The following PLXDC2 variants were observed in gnomAD, a reference collection of about 807,000 sequenced individuals.
PLXDC2 encodes plexin domain-containing protein 2.
A neutral mutation model predicts 68.9 loss-of-function variants in PLXDC2; 40 were observed. The ratio of observed to expected loss-of-function variants is 0.58; its 90% CI spans 0.45 to 0.76. The LOEUF is 0.76. PLXDC2 is among the 30% of genes least tolerant of loss of function. The pLI is 0.00. For missense variants in PLXDC2, 644 were observed against 661.9 expected (o/e 0.97, Z 0.30); for synonymous variants, 243 against 234.2 (o/e 1.04, Z -0.34).
At chr10:19,913,774 C>T (rs1362131641) in intron 1 of PLXDC2, among the ~76,000 whole-genome samples, 2 of 152,084 alleles carry the variant, frequency 1.3e-5, no homozygotes, top group Non-Finnish European at 2.9e-5. Context: ...TTATTATTTT[C>T]TGTTTCTTTT....
chr10:19,870,074 GA>G (rs1411179683), intron 1 of PLXDC2, among the ~76,000 whole-genome samples: 1 of 152,210 alleles, frequency 6.6e-6, no homozygotes, highest in African/African-American at 2.4e-5. Flanking sequence ...ATCCCTAAGA[GA>G]AAGTAAGGAT....
At chr10:20,022,032 G>A in intron 2 of PLXDC2, among the ~76,000 whole-genome samples, 1 of 152,176 alleles carries the variant, frequency 6.6e-6, no homozygotes, top group Non-Finnish European at 1.5e-5. Context: ...TTAAAATGTT[G>A]AACTTTCAAT....
At chr10:20,136,341 T>TA (rs1833932929) in intron 4 of PLXDC2, among the ~76,000 whole-genome samples, 1 of 152,212 alleles carries the variant, frequency 6.6e-6, no homozygotes, top group Non-Finnish European at 1.5e-5. Flanking sequence ...ATGGTTTTGT[T>TA]AAAAAATCTG....
At chr10:19,937,330 A>G (rs933418159) in intron 1 of PLXDC2, among the ~76,000 whole-genome samples, 5 of 151,904 alleles carry the variant, frequency 3.3e-5, no homozygotes, top group Non-Finnish European at 7.4e-5. Flanking sequence ...CAATCGGAAT[A>G]TGCCAGGGTT....
At chr10:20,104,255 G>A (rs1387811107) in intron 4 of PLXDC2, among the ~76,000 whole-genome samples, 1 of 152,180 alleles carries the variant, frequency 6.6e-6, no homozygotes, top group Non-Finnish European at 1.5e-5. Context: ...AGCAGCAGTA[G>A]TTACTTCTGG....
intron 1 of PLXDC2, among the ~76,000 whole-genome samples, chr10:19,867,129 G>T (rs112981929): frequency 2.1e-5 from 3 of 144,396 alleles, no homozygotes; most frequent in African/African-American, 7.7e-5. Flanking sequence ...GCAATGTTGC[G>T]ATCTTGGCTC....
chr10:20,259,931 TA>T (rs1228823153), intron 13 of PLXDC2, among the ~76,000 whole-genome samples: 3 of 151,520 alleles, frequency 2.0e-5, no homozygotes, highest in African/African-American at 7.3e-5. Context: ...CAGAGATAAA[TA>T]AAAAAAGGAA....
chr10:20,143,416 T>C lies in PLXDC2; in HGVS notation c.663T>C (p.Asn221=), dbSNP rs1330147202. The change falls in exon 5 of 14, where the codon AAT becomes AAC. Residue 221 remains asparagine, a splice_region_variant and synonymous_variant. Transcript: ENST00000377252. ...ATTCAACTGTCAGATATTTTGATAA[T>C]GGTATGTGTTGAGTAGCCTATTTTT... ...SRNSTVRYFD[N]GTALVVQWDH... is the part of the protein sequence containing the mutation. The C allele has an allele frequency of 7.4e-6, 12 of 1,612,916 alleles. No individual in the cohort carries two copies. Among genetic ancestry groups the C allele is most frequent in the Middle Eastern group, 1.7e-4 (1 of 6,046 alleles).
intron 2 of PLXDC2, among the ~76,000 whole-genome samples, chr10:20,002,504 C>T (rs1019390404): frequency 2.6e-5 from 4 of 152,116 alleles, no homozygotes; most frequent in African/African-American, 9.7e-5. Flanking sequence ...AGTGATCCAC[C>T]CACGAAGGCC....
intron 4 of PLXDC2, among the ~76,000 whole-genome samples, chr10:20,097,654 G>A (rs906197400): frequency 1.3e-5 from 2 of 151,972 alleles, no homozygotes; most frequent in East Asian, 3.9e-4. Flanking sequence ...AACTTATACT[G>A]TACAGCCAAA....
intron 1 of PLXDC2, among the ~76,000 whole-genome samples, chr10:19,965,967 A>G (rs902530092): frequency 3.3e-5 from 5 of 152,124 alleles, no homozygotes; most frequent in Non-Finnish European, 4.4e-5. Context: ...GTATCAGTAA[A>G]GTGGGACAAG....
intron 1 of PLXDC2, among the ~76,000 whole-genome samples, chr10:19,821,845 A>G (rs1319615623): frequency 2.0e-5 from 3 of 152,198 alleles, no homozygotes; most frequent in Non-Finnish European, 4.4e-5. Flanking sequence ...CCATTCTTCT[A>G]TCCTGCTGGT....
Position 20,217,451 on chromosome 10 carries a change from C to G in PLXDC2, c.1148C>G (p.Thr383Arg). 1 of 1,612,284 alleles carries G rather than the reference C, an allele frequency of 6.2e-7. No individual in the cohort carries two copies. The highest frequency in any genetic ancestry group is 1.3e-5 in the African/African-American group (1 of 74,928). ...TCAAAAGAGAAGATGTGTGAGAATA[C>G]AGAACCAGTGGAAACTTCTTCTCGA... is the stretch of plus-strand genomic sequence containing the variant. ...EESKEKMCEN[T>R]EPVETSSRTT... is the part of the protein sequence containing the mutation. The change falls in exon 11 of 14, where the codon ACA becomes AGA. Residue 383 changes from threonine to arginine, a missense_variant. By Grantham distance (71) the Thr-to-Arg change is moderately conservative. Around this residue, in one of 3 missense-constraint regions of PLXDC2, gnomAD observed 330 missense variants for 327.9 expected, o/e 1.01. Transcript: ENST00000377252.
intron 2 of PLXDC2, among the ~76,000 whole-genome samples, chr10:20,029,171 G>A (rs1835457113): frequency 6.6e-6 from 1 of 152,082 alleles, no homozygotes; most frequent in Non-Finnish European, 1.5e-5. Context: ...AAAACTGAAT[G>A]AAATTTCCTT....
intron 7 of PLXDC2, among the ~76,000 whole-genome samples, chr10:20,168,841 A>G (rs1834409176): frequency 6.6e-6 from 1 of 152,226 alleles, no homozygotes; most frequent in African/African-American, 2.4e-5. Flanking sequence ...TAAATTACTT[A>G]GAAATCTACT....
At chr10:20,269,406 A>G (rs930305116) in intron 13 of PLXDC2, among the ~76,000 whole-genome samples, 3 of 152,060 alleles carry the variant, frequency 2.0e-5, no homozygotes, top group Non-Finnish European at 4.4e-5. Context: ...AATGCTATAA[A>G]ATACTTAGAG....
At chr10:20,004,643 C>T (rs117470475) in intron 2 of PLXDC2, among the ~76,000 whole-genome samples, 60 of 152,170 alleles carry the variant, frequency 3.9e-4, no homozygotes, top group East Asian at 1.5e-3. Context: ...TAAATTTCTT[C>T]GAAAAAGGAA....
At chr10:20,258,222 CAA>C (rs1361916576) in intron 13 of PLXDC2, among the ~76,000 whole-genome samples, 2 of 151,940 alleles carry the variant, frequency 1.3e-5, no homozygotes, top group Non-Finnish European at 2.9e-5. Flanking sequence ...AGGCTGGTCT[CAA>C]ACTCCTGACC....
intron 9 of PLXDC2, among the ~76,000 whole-genome samples, chr10:20,178,446 C>T (rs1168742661): frequency 6.6e-6 from 1 of 152,110 alleles, no homozygotes; most frequent in African/African-American, 2.4e-5. Flanking sequence ...GACATGGTCC[C>T]TGCCCCCCAT....
Sources: gnomAD v4.1 joint callset for allele counts (sites outside exome capture counted in the v4.1 genomes callset) on GRCh38, gnomAD v4.1.1 for gene constraint, gnomAD v4.1.1 regional missense constraint, MANE v1.5 for transcripts, NCBI Gene and HGNC (gene_info 2026-07-23, HGNC 2026-07-21) for gene names.